The following NCALD variants were observed in gnomAD, a reference collection of about 807,000 sequenced individuals.
NCALD encodes neurocalcin-delta.
Under a neutral mutation model 18.6 loss-of-function variants are expected in NCALD, and 10 were observed. The ratio of observed to expected loss-of-function variants is 0.54; its 90% CI spans 0.33 to 0.91. The LOEUF (loss-of-function observed/expected upper bound fraction) is 0.91, where lower values mean the gene tolerates loss of function less well. Ranked by LOEUF, NCALD falls within the 40% of genes least tolerant of loss-of-function variation. The pLI is 0.03. For missense variants in NCALD, 184 were observed against 247.6 expected (o/e 0.74, Z 1.72); for synonymous variants, 88 against 87.4 (o/e 1.01, Z -0.04).
rs80241920 is a variant in NCALD at position 101,760,207 on chromosome 8, T to A, written c.-20+30655A>T. 6.8e-3 allele frequency among the ~76,000 whole-genome samples: 1,037 copies of A among 152,274 alleles called. 35 individuals are homozygous for A. Among genetic ancestry groups the A allele is most frequent in the Admixed American group, 0.05 (761 of 15,290 alleles). ...TTTGTCACGCCAAGAACACATAGAC[T>A]GAATTTTCCACTCCTCCCACGCTGT... On this transcript the variant is annotated intron_variant, in intron 1 of 3. Transcript: ENST00000220931.
intron 2 of NCALD, among the ~76,000 whole-genome samples, chr8:101,993,369 T>C (rs1454318805): frequency 6.6e-6 from 1 of 152,148 alleles, no homozygotes; most frequent in Non-Finnish European, 1.5e-5. Context: ...AGTAAACTAC[T>C]AGGTTGGTAA....
chr8:101,958,781 T>C (rs765416075), intron 2 of NCALD, among the ~76,000 whole-genome samples: 3 of 152,190 alleles, frequency 2.0e-5, no homozygotes, highest in African/African-American at 7.2e-5. Context: ...AAGGTTTCAG[T>C]ATAAATACAA....
At chr8:102,036,642 G>A (rs764058093) in intron 1 of NCALD, among the ~76,000 whole-genome samples, 3 of 152,038 alleles carry the variant, frequency 2.0e-5, no homozygotes, top group Non-Finnish European at 2.9e-5. Context: ...GGGCGTGGTG[G>A]TGCATACCTG....
intron 2 of NCALD, among the ~76,000 whole-genome samples, chr8:101,970,564 T>C (rs1820203965): frequency 6.6e-6 from 1 of 152,196 alleles, no homozygotes. Flanking sequence ...AGTATATTAC[T>C]CTACACAGTT....
chr8:101,703,818 G>A (rs998839118), intron 2 of NCALD, among the ~76,000 whole-genome samples: 1 of 152,138 alleles, frequency 6.6e-6, no homozygotes, highest in African/African-American at 2.4e-5. Flanking sequence ...GAGAGCTGTG[G>A]CAGGTCTCCC....
intron 1 of NCALD, among the ~76,000 whole-genome samples, chr8:102,123,380 T>C (rs1489888461): frequency 6.6e-6 from 1 of 150,462 alleles, no homozygotes; most frequent in Admixed American, 6.6e-5. Flanking sequence ...AGGAAGAAAC[T>C]GACCCTGGCA....
intron 4 of NCALD, among the ~76,000 whole-genome samples, chr8:101,852,877 T>C (rs1815154081): frequency 6.6e-6 from 1 of 152,182 alleles, no homozygotes; most frequent in Non-Finnish European, 1.5e-5. Flanking sequence ...AGTCAGGAAA[T>C]GCAGATTTCT....
chr8:101,857,089 T>G (rs1815349894), intron 4 of NCALD, among the ~76,000 whole-genome samples: 1 of 152,210 alleles, frequency 6.6e-6, no homozygotes, highest in South Asian at 2.1e-4. Context: ...TAAATGAAGA[T>G]AATTCCAGAA....
chr8:102,034,620 T>C (rs1822797316), intron 1 of NCALD, among the ~76,000 whole-genome samples: 1 of 152,188 alleles, frequency 6.6e-6, no homozygotes, highest in Non-Finnish European at 1.5e-5. Flanking sequence ...ATGGGGGCAC[T>C]AGCAGGAAAT....
At chr8:101,996,187 C>T (rs1233428899) in intron 2 of NCALD, among the ~76,000 whole-genome samples, 1 of 152,174 alleles carries the variant, frequency 6.6e-6, no homozygotes, top group Non-Finnish European at 1.5e-5. Context: ...CTCAGGAGAC[C>T]TGAAGAGAAT....
At chr8:101,693,041 G>A (rs1814807496) in intron 2 of NCALD, 145 bp from the exon 3 acceptor site, 1 of 581,914 alleles carries the variant, frequency 1.7e-6, no homozygotes, top group South Asian at 2.0e-5. Context: ...GGTATAAGAT[G>A]TGGAGGCACA....
intron 4 of NCALD, among the ~76,000 whole-genome samples, chr8:101,878,842 C>T (rs1362655848): frequency 1.3e-5 from 2 of 152,138 alleles, no homozygotes; most frequent in South Asian, 4.1e-4. Context: ...CTGACAGAAC[C>T]TCTGCATGTA....
chr8:101,987,835 C>T (rs1434687814), intron 2 of NCALD, among the ~76,000 whole-genome samples: 1 of 152,128 alleles, frequency 6.6e-6, no homozygotes, highest in Admixed American at 6.5e-5. Flanking sequence ...CACAAACTCA[C>T]CTGGAAAAGG....
intron 4 of NCALD, among the ~76,000 whole-genome samples, chr8:101,804,373 T>G (rs1001565142): frequency 7.3e-6 from 1 of 136,568 alleles, no homozygotes; most frequent in Non-Finnish European, 1.5e-5. Flanking sequence ...AATTATATAT[T>G]ATATGTTACT....
chr8:101,772,952 T>C (rs1811646378), intron 1 of NCALD, among the ~76,000 whole-genome samples: 1 of 152,200 alleles, frequency 6.6e-6, no homozygotes, highest in South Asian at 2.1e-4. Flanking sequence ...GACCCTAGTA[T>C]ATTATATCAT....
At chr8:101,930,462 C>T (rs1432616992) in intron 2 of NCALD, among the ~76,000 whole-genome samples, 1 of 151,958 alleles carries the variant, frequency 6.6e-6, no homozygotes, top group Non-Finnish European at 1.5e-5. Flanking sequence ...AAAAATGTGG[C>T]TATGTGAGCT....
At chr8:101,859,895 C>A (rs1363491430) in intron 4 of NCALD, among the ~76,000 whole-genome samples, 1 of 151,996 alleles carries the variant, frequency 6.6e-6, no homozygotes, top group Non-Finnish European at 1.5e-5. Context: ...AAAGGCCTGG[C>A]ACAATAAATT....
At chr8:101,785,360 T>A (rs1812182804) in intron 1 of NCALD, among the ~76,000 whole-genome samples, 2 of 152,188 alleles carry the variant, frequency 1.3e-5, no homozygotes, top group Non-Finnish European at 2.9e-5. Context: ...TCAGTTTCTA[T>A]GCCAAGTAAA....
intron 1 of NCALD, among the ~76,000 whole-genome samples, chr8:102,080,649 T>G (rs1412452455): frequency 6.6e-6 from 1 of 152,232 alleles, no homozygotes; most frequent in Non-Finnish European, 1.5e-5. Flanking sequence ...AACAAAAGTG[T>G]GGGCTCTGGG....
Sources: gnomAD v4.1 joint callset for allele counts (sites outside exome capture counted in the v4.1 genomes callset) on GRCh38, gnomAD v4.1.1 for gene constraint, MANE v1.5 for transcripts, NCBI Gene and HGNC (gene_info 2026-07-23, HGNC 2026-07-21) for gene names.